The following STAU2 variants were observed in gnomAD, a reference collection of about 807,000 sequenced individuals.
The protein encoded by STAU2 is double-stranded RNA-binding protein Staufen homolog 2.
STAU2 carries 20 observed loss-of-function variants against 65.9 expected under a neutral mutation model. That is an observed-to-expected ratio of 0.30 (90% CI 0.21 to 0.44). STAU2 has a LOEUF of 0.44. Among genes scored for constraint, STAU2 ranks in the 20% least tolerant of loss-of-function variants. The probability of loss-of-function intolerance (pLI) is 1.00; values close to 1 mark genes in which losing one functional copy is unlikely to be tolerated. For missense variants in STAU2, 558 were observed against 683.9 expected, an observed-to-expected ratio of 0.82 and a Z score of 2.05; for synonymous variants, 232 against 233.9, an observed-to-expected ratio of 0.99 and a Z score of 0.07.
chr8:73,645,778 A>G (rs1293989941), intron 6 of STAU2, among the ~76,000 whole-genome samples: 1 of 152,156 alleles, frequency 6.6e-6, no homozygotes, highest in Admixed American at 6.6e-5. Flanking sequence ...AAGGGGAAGC[A>G]GGCACATCTT....
chr8:73,486,939 C>T (rs1232040939), intron 13 of STAU2, among the ~76,000 whole-genome samples: 1 of 152,046 alleles, frequency 6.6e-6, no homozygotes, highest in Non-Finnish European at 1.5e-5. Flanking sequence ...AGGCACAAGC[C>T]ACTGTGCCCC....
chr8:73,667,660 C>T (rs1467969569), intron 6 of STAU2, among the ~76,000 whole-genome samples: 2 of 152,228 alleles, frequency 1.3e-5, no homozygotes, highest in East Asian at 3.9e-4. Flanking sequence ...TCTGTTCTTT[C>T]GTTTTCCTCT....
chr8:73,475,478 T>C (rs1263677919), intron 13 of STAU2, among the ~76,000 whole-genome samples: 1 of 152,208 alleles, frequency 6.6e-6, no homozygotes, highest in Non-Finnish European at 1.5e-5. Flanking sequence ...CTGTAAATCA[T>C]TGAGTCAGTA....
chr8:73,709,195 A>C, intron 3 of STAU2, 33 bp from the exon 4 acceptor site: 1 of 1,452,446 alleles, frequency 6.9e-7, no homozygotes, highest in Non-Finnish European at 9.1e-7. Context: ...GTTTTTGTGA[A>C]GAATGACTTT....
chr8:73,575,390 G>T (rs1809464328), intron 12 of STAU2, among the ~76,000 whole-genome samples: 1 of 152,148 alleles, frequency 6.6e-6, no homozygotes, highest in Non-Finnish European at 1.5e-5. Context: ...TACACTGATG[G>T]TAGAGACGTA....
At chr8:73,481,516 C>CAAAAAAAAAAAAAAAA (rs33917654) in intron 13 of STAU2, among the ~76,000 whole-genome samples, 2 of 137,630 alleles carry the variant, frequency 1.5e-5, no homozygotes, top group African/African-American at 2.8e-5. Flanking sequence ...AACAAAAAAA[C>CAAAAAAAAAAAAAAAA]AAAAAAAAAA....
Position 73,428,215 on chromosome 8 carries a change from CAT to C in STAU2, c.1531-5515_1531-5514del, listed in dbSNP as rs1417655480. 2.0e-5 allele frequency among the ~76,000 whole-genome samples: 3 copies of C among 152,310 alleles called. 1 individual carries two copies. The East Asian group carries it at 5.8e-4, about 29-fold the overall frequency. On this transcript the variant is annotated intron_variant, in intron 13 of 14. Transcript: ENST00000524300. ...TTTATATCTCACATATAAATGAGAA[CAT>C]GTGGGATTTGTCTATGTTTGGCATA...
At chr8:73,423,029 A>ACTCTTCTCTTCTCTTCT (rs1816504143) in intron 13 of STAU2, among the ~76,000 whole-genome samples, 1 of 152,218 alleles carries the variant, frequency 6.6e-6, no homozygotes. Flanking sequence ...CGTTACTGAA[A>ACTCTTCTCTTCTCTTCT]CTACACATTC....
In STAU2 at chr8:73,610,568, G is replaced by A. The variant is rs569214037; in HGVS notation, c.891+3176C>T. Among the ~76,000 whole-genome samples the A allele has an allele frequency of 7.3e-5, 11 of 151,406 alleles. No homozygotes were observed. In the South Asian group the frequency reaches 1.0e-3, roughly 14 times the overall value. On this transcript the variant is annotated intron_variant, in intron 9 of 14. Transcript: ENST00000524300. ...AAAAAAAAAAAAAAAAGGCAGCGGG[G>A]GAGGGGATGACTTGGTTTCTTGCTC...
At chr8:73,701,622 G>A (rs151205855) in intron 4 of STAU2, among the ~76,000 whole-genome samples, 3 of 152,046 alleles carry the variant, frequency 2.0e-5, no homozygotes, top group South Asian at 2.1e-4. Context: ...ACCCTCATAC[G>A]TTGTTAGCAA....
rs1291908545 is a variant in STAU2, at chr8:73,608,383, C to T, written c.892-4520G>A. ...AGCACTTTGAGAGGCCAAGGCAGGG[C>T]GGATCACAAGGTCAGGAGTTCGAGA... On this transcript the variant is annotated intron_variant, in intron 9 of 14. Transcript: ENST00000524300. Among the ~76,000 whole-genome samples, 6 of 151,698 alleles carry T rather than the reference C, an allele frequency of 4.0e-5. No homozygotes were observed. The South Asian group carries it at 1.0e-3, about 26-fold the overall frequency.
chr8:73,469,115 C>T (rs945402408), intron 13 of STAU2, among the ~76,000 whole-genome samples: 5 of 152,158 alleles, frequency 3.3e-5, no homozygotes, highest in Non-Finnish European at 5.9e-5. Context: ...CCATGGAATA[C>T]TATGCAGCCA....
chr8:73,572,177 A>G (rs1459416420), intron 12 of STAU2, among the ~76,000 whole-genome samples: 2 of 152,200 alleles, frequency 1.3e-5, no homozygotes, highest in African/African-American at 4.8e-5. Context: ...CTGGACACAT[A>G]CACCCTCCTA....
At chr8:73,694,814 T>C (rs777201543) in intron 4 of STAU2, among the ~76,000 whole-genome samples, 2 of 152,108 alleles carry the variant, frequency 1.3e-5, no homozygotes, top group Admixed American at 6.5e-5. Flanking sequence ...AGCACGGCTA[T>C]TGGAAAACAG....
rs543568048 is a variant in STAU2 at position 73,744,003 on chromosome 8, C to T, written c.-197+2780G>A. Among the ~76,000 whole-genome samples the T allele has an allele frequency of 3.3e-5, 5 of 152,106 alleles. No individual in the cohort carries two copies. In the South Asian group the frequency reaches 1.0e-3, roughly 32 times the overall value. On this transcript the variant is annotated intron_variant, in intron 1 of 14. Coordinates refer to ENST00000524300, the MANE Select transcript of STAU2 (RefSeq NM_001164380.2). ...GCCAGGCTGGTCTCGAACTCCTGACCTCCTGATCCACCTGCCTCGGCCTCC... is the reference window on the plus strand; with the variant it reads ...GCCAGGCTGGTCTCGAACTCCTGACTTCCTGATCCACCTGCCTCGGCCTCC...
rs80033830 is a variant in STAU2 at position 73,453,459 on chromosome 8, G to A, written c.1531-30757C>T. On this transcript the variant is annotated intron_variant, in intron 13 of 14. Coordinates refer to ENST00000524300, the MANE Select transcript of STAU2 (RefSeq NM_001164380.2). ...GCATATCTTCCCATTTCTTTGCTCA[G>A]TAATCCTATCATTTACACTCTACAT... Among the ~76,000 whole-genome samples, 1,200 of 152,268 alleles carry A rather than the reference G, an allele frequency of 7.9e-3. 13 individuals are homozygous for A. Among genetic ancestry groups the A allele is most frequent in the African/African-American group, 0.027 (1,118 of 41,544 alleles).
intron 1 of STAU2, 113 bp downstream of exon 1, chr8:73,746,670 T>A: frequency 1.6e-6 from 1 of 622,700 alleles, no homozygotes; most frequent in Non-Finnish European, 2.3e-6. Flanking sequence ...GGGGGCTGCT[T>A]TTCTCCGGGT....
intron 13 of STAU2, among the ~76,000 whole-genome samples, chr8:73,426,998 G>A (rs892030525): frequency 2.1e-5 from 3 of 145,980 alleles, no homozygotes; most frequent in Non-Finnish European, 4.5e-5. Context: ...GCGTGAACTC[G>A]GCCCACCACA....
rs909350851 is a variant in STAU2, at chr8:73,603,762, T to C, written c.993A>G (p.Glu331=). 2.5e-6 allele frequency: 4 copies of C among 1,611,646 alleles called. No homozygotes were observed. In the African/African-American group the frequency reaches 5.3e-5, roughly 22 times the overall value. The change falls in exon 10 of 15, where the codon GAA becomes GAG. Residue 331 remains glutamate, a synonymous_variant. Transcript: ENST00000524300. The part of the protein sequence containing the change: ...EKEPDYVLLS[E]RGMPRRREFV... The stretch of plus-strand genomic sequence containing the variant: ...ATTCTCGACGTCGAGGCATTCCTCT[T>C]TCTGAAAGCAAAACATAATCCGGCT...
Sources: gnomAD v4.1 joint callset for allele counts (sites outside exome capture counted in the v4.1 genomes callset) on GRCh38, gnomAD v4.1.1 for gene constraint, MANE v1.5 for transcripts, NCBI Gene and HGNC (gene_info 2026-07-23, HGNC 2026-07-21) for gene names.